The following RAB28 variants were observed in gnomAD, a reference collection of about 807,000 sequenced individuals.
The protein encoded by RAB28 is RAB28, member RAS oncogene family.
Under a neutral mutation model 31.7 loss-of-function variants are expected in RAB28, and 24 were observed. That is an observed-to-expected ratio of 0.76 (90% CI 0.55 to 1.06). The LOEUF (loss-of-function observed/expected upper bound fraction) is 1.06. Among genes scored for constraint, RAB28 ranks in the 50% least tolerant of loss-of-function variants. The pLI is 0.00. For missense variants in RAB28, 254 were observed against 258.5 expected (o/e 0.98, Z 0.12); for synonymous variants, 100 against 90.4 (o/e 1.11, Z -0.60).
At chr4:13,376,660 G>A (rs906053523) in intron 5 of RAB28, 38 bp from the exon 6 acceptor site, 1 of 1,370,872 alleles carries the variant, frequency 7.3e-7, no homozygotes, top group Non-Finnish European at 1.0e-6. Context: ...TTTAAAAGAG[G>A]CATGCTTAAG....
chr4:13,426,349 G>A (rs986800255), intron 4 of RAB28, among the ~76,000 whole-genome samples: 8 of 151,730 alleles, frequency 5.3e-5, no homozygotes, highest in East Asian at 1.9e-4. Flanking sequence ...CATCAGAAAC[G>A]AATCTCTGAG....
chr4:13,387,639 T>C (rs1416880814), intron 4 of RAB28, among the ~76,000 whole-genome samples: 3 of 152,148 alleles, frequency 2.0e-5, no homozygotes, highest in East Asian at 3.9e-4. Flanking sequence ...GAACATGACA[T>C]CTTTTGGTAT....
At position 13,481,329 on chromosome 4, in the gene RAB28, G is replaced by A. The variant is rs185167477; in HGVS notation, c.76-1803C>T. ...AGTTCTTACTATATCATCTCCCGAT[G>A]TCTTGAGATAAAAATTGAACAGAGA... On this transcript the variant is annotated intron_variant, in intron 1 of 6. Transcript: ENST00000330852. 8.4e-4 allele frequency among the ~76,000 whole-genome samples: 127 copies of A among 152,078 alleles called. 1 individual carries two copies. The highest frequency in any genetic ancestry group is 3.0e-3 in the African/African-American group (123 of 41,540).
At chr4:13,417,154 C>T (rs915346344) in intron 4 of RAB28, among the ~76,000 whole-genome samples, 4 of 152,208 alleles carry the variant, frequency 2.6e-5, no homozygotes, top group East Asian at 3.8e-4. Context: ...AGTCTGCGAT[C>T]GACCTGTGAG....
intron 4 of RAB28, among the ~76,000 whole-genome samples, chr4:13,424,330 G>A (rs1411759392): frequency 6.6e-6 from 1 of 152,168 alleles, no homozygotes; most frequent in Non-Finnish European, 1.5e-5. Flanking sequence ...CTAGCTATTT[G>A]CAGTTACCCA....
chr4:13,374,942 C>A (rs956347120), intron 6 of RAB28, among the ~76,000 whole-genome samples: 3 of 152,144 alleles, frequency 2.0e-5, no homozygotes, highest in Non-Finnish European at 4.4e-5. Context: ...TATACTCTAA[C>A]ACAAATGGTC....
chr4:13,475,132 TA>T (rs1306964662), intron 2 of RAB28, among the ~76,000 whole-genome samples: 1 of 151,652 alleles, frequency 6.6e-6, no homozygotes, highest in African/African-American at 2.4e-5. Flanking sequence ...CAAAATACTG[TA>T]ACTAATCATC....
At chr4:13,369,418 C>T (rs754830864) in intron 6 of RAB28, among the ~76,000 whole-genome samples, 176 of 152,200 alleles carry the variant, frequency 1.2e-3, no homozygotes, top group South Asian at 3.9e-3. Context: ...GCTTAATATT[C>T]ATCTCTAAGT....
intron 4 of RAB28, among the ~76,000 whole-genome samples, chr4:13,417,695 A>T (rs1712873830): frequency 6.6e-6 from 1 of 152,232 alleles, no homozygotes; most frequent in African/African-American, 2.4e-5. Flanking sequence ...AGAAAGGAAC[A>T]GCATCAACAT....
At chr4:13,378,138 A>G (rs149725466) in intron 5 of RAB28, among the ~76,000 whole-genome samples, 6 of 152,306 alleles carry the variant, frequency 3.9e-5, no homozygotes, top group Admixed American at 6.5e-5. Flanking sequence ...TAAGTGTAGA[A>G]AAAGAGATTA....
intron 3 of RAB28, among the ~76,000 whole-genome samples, chr4:13,469,487 C>A (rs1716018401): frequency 6.6e-6 from 1 of 151,954 alleles, no homozygotes; most frequent in South Asian, 2.1e-4. Flanking sequence ...TAGTTTCCTT[C>A]ATTTTATGCC....
chr4:13,465,858 C>T (rs1460751740), intron 3 of RAB28, among the ~76,000 whole-genome samples: 1 of 151,226 alleles, frequency 6.6e-6, no homozygotes, highest in Non-Finnish European at 1.5e-5. Flanking sequence ...CAGCATGGTA[C>T]CGGCAAAAAA....
chr4:13,380,791 A>G (rs945493356), intron 5 of RAB28, among the ~76,000 whole-genome samples: 2 of 152,094 alleles, frequency 1.3e-5, no homozygotes, highest in African/African-American at 2.4e-5. Context: ...AAAATTTTAC[A>G]TTAGAACATT....
At chr4:13,412,421 G>A (rs1207246642) in intron 4 of RAB28, among the ~76,000 whole-genome samples, 1 of 152,004 alleles carries the variant, frequency 6.6e-6, no homozygotes, top group African/African-American at 2.4e-5. Context: ...TGTGGCTGGG[G>A]GGAAGAACAA....
At chr4:13,483,614 C>T (rs990426679) in intron 1 of RAB28, among the ~76,000 whole-genome samples, 1 of 152,210 alleles carries the variant, frequency 6.6e-6, no homozygotes, top group Non-Finnish European at 1.5e-5. Flanking sequence ...AATGACCCGA[C>T]GACTAAGTGG....
intron 4 of RAB28, among the ~76,000 whole-genome samples, chr4:13,455,329 C>A (rs1193435878): frequency 6.6e-6 from 1 of 152,204 alleles, no homozygotes; most frequent in Non-Finnish European, 1.5e-5. Context: ...TTGGCTGGCT[C>A]AAGGGCAGGT....
chr4:13,439,786 A>G (rs554071135), intron 4 of RAB28, among the ~76,000 whole-genome samples: 1 of 152,332 alleles, frequency 6.6e-6, no homozygotes, highest in Admixed American at 6.5e-5. Context: ...ACATGAGCAT[A>G]TTGCATAATG....
rs141822100 is a variant in RAB28 at position 13,412,460 on chromosome 4, C to T, written c.392-30866G>A. Among the ~76,000 whole-genome samples the T allele has an allele frequency of 3.9e-5, 6 of 151,984 alleles. No homozygotes were observed. In the South Asian group the frequency reaches 8.4e-4, roughly 21 times the overall value. The stretch of plus-strand genomic sequence containing the variant: ...AAATATATATTCTCACACAAACAAC[C>T]CTGTGTCGTAAGAAAAATTATTCTT... On this transcript the variant is annotated intron_variant, in intron 4 of 6. Transcript: ENST00000330852.
intron 3 of RAB28, among the ~76,000 whole-genome samples, chr4:13,462,907 T>C (rs185834310): frequency 4.1e-4 from 63 of 152,326 alleles, no homozygotes; most frequent in Admixed American, 6.5e-4. Flanking sequence ...CACCTCCAAC[T>C]GCCATGGGTG....
Sources: gnomAD v4.1 joint callset for allele counts (sites outside exome capture counted in the v4.1 genomes callset) on GRCh38, gnomAD v4.1.1 for gene constraint, MANE v1.5 for transcripts, NCBI Gene and HGNC (gene_info 2026-07-23, HGNC 2026-07-21) for gene names.